Variants in DMD observed in about 807,000 individuals in gnomAD.
DMD encodes mutant dystrophin.
Under a neutral mutation model 330.1 loss-of-function variants are expected in DMD, and 63 were observed. That is an observed-to-expected ratio of 0.19 (90% CI 0.16 to 0.24). The LOEUF (loss-of-function observed/expected upper bound fraction) is 0.24, where lower values mean the gene tolerates loss of function less well. Ranked by LOEUF, DMD falls within the 10% of genes least tolerant of loss-of-function variation. The pLI is 1.00. For synonymous variants in DMD, 1,223 were observed against 959.8 expected (o/e 1.27, Z -5.07); for missense variants, 3,344 against 2,684.1 (o/e 1.25, Z -5.43).
intron 66 of DMD, among the ~76,000 whole-genome samples, chrX:31,205,608 C>T (rs2043989497): frequency 8.9e-6 from 1 of 112,230 alleles, no homozygotes; most frequent in Non-Finnish European, 1.9e-5. Flanking sequence ...CCATCTCATC[C>T]GAAATACATT....
chrX:32,790,883 C>T (rs928425900), intron 7 of DMD, among the ~76,000 whole-genome samples: 1 of 111,411 alleles, frequency 9.0e-6, no homozygotes, highest in African/African-American at 3.3e-5. Flanking sequence ...GAGCATTGCA[C>T]AAGGGACCTG....
intron 3 of DMD, among the ~76,000 whole-genome samples, chrX:32,849,283 A>C (rs2080939015): frequency 8.9e-6 from 1 of 111,809 alleles, no homozygotes; most frequent in Non-Finnish European, 1.9e-5. Flanking sequence ...AGACAAGATA[A>C]TAGTTCAAGA....
intron 60 of DMD, among the ~76,000 whole-genome samples, chrX:31,428,374 G>A: frequency 9.0e-6 from 1 of 111,611 alleles, no homozygotes; most frequent in East Asian, 2.8e-4. Context: ...CACCATGATT[G>A]TAAGCTTGCT....
At chrX:32,785,810 T>A (rs1439521727) in intron 7 of DMD, among the ~76,000 whole-genome samples, 1 of 111,812 alleles carries the variant, frequency 8.9e-6, no homozygotes, top group East Asian at 2.8e-4. Flanking sequence ...CAGGAGCTTA[T>A]GTCTCATTTT....
rs1465907696 is a variant in DMD at position 31,875,323 on chromosome X, T to G, written c.6963A>C (p.Lys2321Asn). ...GCTTTTTTTCAAGCTGCCCAAGGTC[T>G]TTTATTTGAGCTTCAATTTCTCCTT... Reference protein sequence around the residue: ...EKQGEIEAQIKDLGQLEKKLE... With the variant: ...EKQGEIEAQINDLGQLEKKLE... The change falls in exon 48 of 79, where the codon AAA becomes AAC. Residue 2321 changes from lysine to asparagine, a missense_variant. Lys to Asn is a moderately conservative substitution (Grantham distance 94). Transcript: ENST00000357033. 4 of 1,207,633 alleles carry G rather than the reference T, an allele frequency of 3.3e-6. No individual in the cohort carries two copies. Among genetic ancestry groups the G allele is most frequent in the Non-Finnish European group, 4.5e-6 (4 of 893,891 alleles).
Position 32,729,789 on chromosome X carries a change from C to A in DMD, c.650-30496G>T, listed in dbSNP as rs186474592. Among the ~76,000 whole-genome samples, 200 of 111,893 alleles carry A rather than the reference C, an allele frequency of 1.8e-3. 1 individual carries two copies. The highest frequency in any genetic ancestry group is 0.012 in the South Asian group (32 of 2,702). On this transcript the variant is annotated intron_variant, in intron 7 of 78. Coordinates refer to ENST00000357033, the MANE Select transcript of DMD (RefSeq NM_004006.3). ...TTAAATATGTGTGTTATTCTTTTGACTTTCCTATCAAAGTAAAAACGTTGT... is the reference window on the plus strand; with the variant it reads ...TTAAATATGTGTGTTATTCTTTTGAATTTCCTATCAAAGTAAAAACGTTGT...
At chrX:32,698,428 G>A (rs1002527864) in intron 8 of DMD, among the ~76,000 whole-genome samples, 1 of 111,672 alleles carries the variant, frequency 9.0e-6, no homozygotes, top group African/African-American at 3.3e-5. Flanking sequence ...AAGTGAGAGA[G>A]TTTGGCCTAA....
At chrX:31,952,765 C>T (rs1002015565) in intron 45 of DMD, among the ~76,000 whole-genome samples, 2 of 111,780 alleles carry the variant, frequency 1.8e-5, no homozygotes, top group African/African-American at 3.3e-5. Context: ...TTGAACGTAT[C>T]GTAAATTTTT....
At chrX:32,413,462 A>G (rs772678813) in intron 29 of DMD, among the ~76,000 whole-genome samples, 31 of 111,087 alleles carry the variant, frequency 2.8e-4, no homozygotes, top group Non-Finnish European at 5.6e-4. Context: ...GTCAATCACT[A>G]ATTATTTATT....
At chrX:31,901,780 A>T (rs2094426360) in intron 47 of DMD, among the ~76,000 whole-genome samples, 1 of 111,366 alleles carries the variant, frequency 9.0e-6, no homozygotes, top group South Asian at 3.7e-4. Flanking sequence ...TTTTATTTCC[A>T]TGATCCTAGT....
chrX:31,822,771 T>C (rs758704704), intron 49 of DMD, among the ~76,000 whole-genome samples: 3 of 107,915 alleles, frequency 2.8e-5, no homozygotes, highest in Admixed American at 1.0e-4. Flanking sequence ...CATCAAATTG[T>C]TTCTTCCAGT....
intron 16 of DMD, among the ~76,000 whole-genome samples, chrX:32,550,581 G>C (rs995597947): frequency 4.5e-5 from 5 of 110,400 alleles, no homozygotes; most frequent in Non-Finnish European, 9.5e-5. Flanking sequence ...CAAGGAACGA[G>C]AAACAATAGC....
rs187361269 is a variant in DMD at position 31,901,614 on chromosome X, C to T, written c.6913-26241G>A. 1.3e-3 allele frequency among the ~76,000 whole-genome samples: 143 copies of T among 111,609 alleles called. 2 individuals are homozygous for T. Among genetic ancestry groups the T allele is most frequent in the African/African-American group, 4.5e-3 (139 of 30,824 alleles). ...AAGGGTTTAGGGTTACTCTCTCTTC[C>T]GCTTCACTGTAATTTCTATTCTTTA... On this transcript the variant is annotated intron_variant, in intron 47 of 78. Coordinates refer to ENST00000357033, the MANE Select transcript of DMD (RefSeq NM_004006.3).
intron 2 of DMD, among the ~76,000 whole-genome samples, chrX:32,994,041 G>T (rs779006527): frequency 2.1e-4 from 23 of 109,928 alleles, no homozygotes; most frequent in Non-Finnish European, 3.6e-4. Context: ...TAATCTAATG[G>T]TAATAAAGTT....
chrX:31,287,049 A>C (rs1019798983), intron 62 of DMD, among the ~76,000 whole-genome samples: 1 of 112,571 alleles, frequency 8.9e-6, no homozygotes, highest in African/African-American at 3.2e-5. Context: ...TTACAGGCTT[A>C]AGCCACCATG....
At chrX:33,006,377 A>G (rs2093396424) in intron 2 of DMD, among the ~76,000 whole-genome samples, 1 of 112,185 alleles carries the variant, frequency 8.9e-6, no homozygotes. Context: ...AAGACAGTGT[A>G]TTGGCAAAAT....
intron 44 of DMD, among the ~76,000 whole-genome samples, chrX:32,211,563 TA>T (rs1265486062): frequency 6.3e-5 from 7 of 111,988 alleles, no homozygotes; most frequent in African/African-American, 1.9e-4. Flanking sequence ...ATTTTTTCCC[TA>T]AAAACAGCAG....
intron 7 of DMD, among the ~76,000 whole-genome samples, chrX:32,746,206 T>C (rs2069984601): frequency 8.9e-6 from 1 of 112,195 alleles, no homozygotes. Context: ...CCCCAGAGAA[T>C]TCCATTCCTA....
Position 31,228,275 on chromosome X carries a change from T to TA in DMD, c.9287-5155dup, listed in dbSNP as rs779738772. On this transcript the variant is annotated intron_variant, in intron 63 of 78. Coordinates refer to ENST00000357033, the MANE Select transcript of DMD (RefSeq NM_004006.3). ...GTATAATAAAAAAAAAATAAAAAAATAAAAAAAAAAAAAAAAGAAAGTAGC... is the reference window on the plus strand; with the variant it reads ...GTATAATAAAAAAAAAATAAAAAAATAAAAAAAAAAAAAAAAAGAAAGTAGC... Among the ~76,000 whole-genome samples the TA allele has an allele frequency of 5.5e-3, 458 of 83,953 alleles. 3 individuals are homozygous for TA. The highest frequency in any genetic ancestry group is 0.014 in the East Asian group (37 of 2,636). 72.9% of individuals were successfully genotyped at this position (83,953 alleles called of 115,157 possible). A position where few individuals can be genotyped will look rare whatever the true frequency, so the allele number is the denominator to read the frequency against.
Sources: allele counts gnomAD v4.1 joint callset (sites outside exome capture counted in the v4.1 genomes callset), GRCh38; gene constraint gnomAD v4.1.1; transcripts MANE v1.5; gene names NCBI Gene and HGNC (gene_info 2026-07-23, HGNC 2026-07-21).